The following NIPBL variants were observed in gnomAD, a reference collection of about 807,000 sequenced individuals.
NIPBL encodes NIPBL cohesin loading factor.
Under a neutral mutation model 321.8 loss-of-function variants are expected in NIPBL, and 19 were observed. That is an observed-to-expected ratio of 0.06 (90% CI 0.04 to 0.09). The LOEUF (loss-of-function observed/expected upper bound fraction) is 0.09, where lower values mean the gene tolerates loss of function less well. Among genes scored for constraint, NIPBL ranks in the 10% least tolerant of loss-of-function variants. NIPBL has a pLI of 1.00. For missense variants in NIPBL, 2,210 were observed against 3,327.0 expected (o/e 0.66, Z 8.26); for synonymous variants, 1,106 against 1,114.1 (o/e 0.99, Z 0.14).
At chr5:36,902,251 T>A (rs1446747479) in intron 1 of NIPBL, among the ~76,000 whole-genome samples, 1 of 152,210 alleles carries the variant, frequency 6.6e-6, no homozygotes, top group Non-Finnish European at 1.5e-5. Context: ...GTACAGAACC[T>A]CTTTAGTTTA....
intron 34 of NIPBL, among the ~76,000 whole-genome samples, chr5:37,041,286 C>T (rs540587276): frequency 2.1e-3 from 126 of 61,108 alleles, no homozygotes; most frequent in Non-Finnish European, 2.5e-3. Context: ...TTTTTTGAGA[C>T]TGAGGCTCAC....
chr5:37,024,724 T>C lies in NIPBL; in HGVS notation c.5709+5T>C. 2.5e-6 allele frequency: 4 copies of C among 1,606,048 alleles called. No individual in the cohort carries two copies. Among genetic ancestry groups the C allele is most frequent in the Non-Finnish European group, 3.4e-6 (4 of 1,175,474 alleles). On this transcript the variant is annotated splice_donor_5th_base_variant and intron_variant, in intron 30 of 46. Transcript: ENST00000282516. Reference sequence around the variant, plus strand: ...AATGATGAAGAGGGCATTAAGGTAGTGTTGACTGTTTTAAATTTATTTTTC... The same window carrying C: ...AATGATGAAGAGGGCATTAAGGTAGCGTTGACTGTTTTAAATTTATTTTTC...
At chr5:36,995,573 T>G in intron 10 of NIPBL, 49 bp from the exon 11 acceptor site, 1 of 1,417,250 alleles carries the variant, frequency 7.1e-7, no homozygotes, top group Non-Finnish European at 9.9e-7. Context: ...AAATTTTCCT[T>G]TTATCTTCAG....
chr5:36,940,116 CTGTT>C (rs1468374582), intron 1 of NIPBL, among the ~76,000 whole-genome samples: 4 of 152,152 alleles, frequency 2.6e-5, no homozygotes, highest in South Asian at 2.1e-4. Flanking sequence ...TTTTCATACT[CTGTT>C]TGTGAGAAAC....
At position 36,955,506 on chromosome 5, in the gene NIPBL, T is replaced by G; in HGVS notation, c.99T>G (p.Pro33=). The G allele has an allele frequency of 6.2e-7, 1 of 1,614,012 alleles. No individual in the cohort carries two copies. The highest frequency in any genetic ancestry group is 8.5e-7 in the Non-Finnish European group (1 of 1,179,900). Residue 33 remains proline (P), a synonymous_variant, in exon 3 of 47, where the codon CCT becomes CCG. Transcript: ENST00000282516. ...LNQLPLPSPL[P]ATTTKSLLFN... ...AGCTGCCTCTTCCATCTCCTTTACC[T>G]GCTACAACTACAAAGAGCCTTCTCT... is the stretch of plus-strand genomic sequence containing the variant.
In NIPBL at chr5:37,033,726, A is replaced by T. The variant is rs868662206; in HGVS notation, c.5863-2653A>T. 5.9e-3 allele frequency among the ~76,000 whole-genome samples: 467 copies of T among 78,516 alleles called. 1 individual carries two copies. Among genetic ancestry groups the T allele is most frequent in the Non-Finnish European group, 7.0e-3 (295 of 41,952 alleles). 51.5% of individuals were successfully genotyped at this position (78,516 alleles called of 152,430 possible). ...CACACATATATATATATATATATAT[A>T]TATATTTTTTTTTTTTTTTTTTTTA... On this transcript the variant is annotated intron_variant, in intron 32 of 46. Coordinates refer to ENST00000282516, the MANE Select transcript of NIPBL (RefSeq NM_133433.4).
intron 1 of NIPBL, among the ~76,000 whole-genome samples, chr5:36,888,649 A>G (rs1229305152): frequency 6.6e-6 from 1 of 152,122 alleles, no homozygotes; most frequent in African/African-American, 2.4e-5. Context: ...CAGGAGTTAG[A>G]TGTGTTGTAA....
chr5:37,014,937 A>T (rs920776789), intron 22 of NIPBL, among the ~76,000 whole-genome samples, 172 bp downstream of exon 22: 1 of 152,076 alleles, frequency 6.6e-6, no homozygotes, highest in Non-Finnish European at 1.5e-5. Context: ...AAAAATCTAA[A>T]ATTGGGATGG....
At chr5:37,023,709 T>TTTGGGGG (rs1259520028) in intron 29 of NIPBL, among the ~76,000 whole-genome samples, 2 of 151,752 alleles carry the variant, frequency 1.3e-5, no homozygotes, top group African/African-American at 4.8e-5. Flanking sequence ...ATACATTGCA[T>TTTGGGGG]TTGGGGGTCA....
chr5:37,007,877 T>G, intron 18 of NIPBL, 131 bp from the exon 19 acceptor site: 1 of 689,034 alleles, frequency 1.5e-6, no homozygotes, highest in Non-Finnish European at 2.7e-6. Context: ...AGATGCTGAT[T>G]AGGTGGGGAA....
intron 40 of NIPBL, among the ~76,000 whole-genome samples, chr5:37,049,808 T>C (rs1259920616): frequency 6.6e-6 from 1 of 152,348 alleles, no homozygotes; most frequent in East Asian, 1.9e-4. Context: ...TTACTGAAGA[T>C]TGGCAGCCAA....
At chr5:36,950,895 T>C (rs1441767268) in intron 1 of NIPBL, among the ~76,000 whole-genome samples, 1 of 149,656 alleles carries the variant, frequency 6.7e-6, no homozygotes, top group Non-Finnish European at 1.5e-5. Flanking sequence ...AGTAGCAACA[T>C]TTCCACAGAT....
rs529189578 is a variant in NIPBL, at chr5:36,895,404, A to G, written c.-80+18226A>G. Among the ~76,000 whole-genome samples, 14 of 152,282 alleles carry G rather than the reference A, an allele frequency of 9.2e-5. No individual in the cohort carries two copies. In the South Asian group the frequency reaches 2.1e-3, roughly 23 times the overall value. On this transcript the variant is annotated intron_variant, in intron 1 of 46. Transcript: ENST00000282516. ...CATGGATTGTTTTCAACTTTTGACT[A>G]TTATGAATAATGCTGTTATAAGCAT...
intron 8 of NIPBL, among the ~76,000 whole-genome samples, chr5:36,975,094 G>A (rs1175475675): frequency 1.3e-5 from 2 of 151,746 alleles, no homozygotes; most frequent in African/African-American, 2.4e-5. Context: ...TATTTTATTG[G>A]GCCTTGAAAT....
At chr5:36,911,412 T>C (rs1748040274) in intron 1 of NIPBL, among the ~76,000 whole-genome samples, 1 of 152,234 alleles carries the variant, frequency 6.6e-6, no homozygotes, top group Admixed American at 6.5e-5. Context: ...TCTTTCATAC[T>C]CTTTAAGGCT....
intron 1 of NIPBL, among the ~76,000 whole-genome samples, chr5:36,906,347 T>G (rs954433566): frequency 6.6e-5 from 10 of 152,178 alleles, no homozygotes; most frequent in Admixed American, 1.3e-4. Flanking sequence ...ATATTATGAT[T>G]ATTTTGGGAC....
chr5:37,043,737 A>G (rs1159916459), intron 34 of NIPBL, among the ~76,000 whole-genome samples: 1 of 152,192 alleles, frequency 6.6e-6, no homozygotes. Context: ...CTGGGATTCT[A>G]CATGTTTATC....
chr5:36,941,710 T>C (rs925138755), intron 1 of NIPBL, among the ~76,000 whole-genome samples: 31 of 152,304 alleles, frequency 2.0e-4, no homozygotes, highest in Admixed American at 6.5e-4. Context: ...AATCTGTGTT[T>C]CACAGTAAGT....
intron 3 of NIPBL, among the ~76,000 whole-genome samples, chr5:36,956,895 G>A (rs189342752): frequency 6.6e-6 from 1 of 151,938 alleles, no homozygotes; most frequent in African/African-American, 2.4e-5. Context: ...AAAGTGCTAG[G>A]ATTATAGGTG....
Sources: gnomAD v4.1 joint callset for allele counts (sites outside exome capture counted in the v4.1 genomes callset) on GRCh38, gnomAD v4.1.1 for gene constraint, MANE v1.5 for transcripts, NCBI Gene and HGNC (gene_info 2026-07-23, HGNC 2026-07-21) for gene names.